The following TOPAZ1 variants were observed in gnomAD, a reference collection of about 807,000 sequenced individuals.
TOPAZ1 encodes protein TOPAZ1.
Under a neutral mutation model 172.2 loss-of-function variants are expected in TOPAZ1, and 66 were observed. The ratio of observed to expected loss-of-function variants is 0.38; its 90% CI spans 0.31 to 0.47. The LOEUF (loss-of-function observed/expected upper bound fraction) is 0.47. Among genes scored for constraint, TOPAZ1 ranks in the 20% least tolerant of loss-of-function variants. The pLI is 0.99. For synonymous variants in TOPAZ1, 681 were observed against 683.9 expected, an observed-to-expected ratio of 1.00 and a Z score of 0.07; for missense variants, 1,822 against 1,972.4, an observed-to-expected ratio of 0.92 and a Z score of 1.44.
intron 2 of TOPAZ1, among the ~76,000 whole-genome samples, chr3:44,248,284 A>G (rs898049310): frequency 4.1e-4 from 62 of 152,104 alleles, no homozygotes; most frequent in African/African-American, 1.5e-3. Flanking sequence ...TCCTGAGACA[A>G]CGTTAGCCAT....
At chr3:44,303,198 TC>T (rs900278421) in intron 12 of TOPAZ1, among the ~76,000 whole-genome samples, 3 of 152,200 alleles carry the variant, frequency 2.0e-5, no homozygotes, top group Admixed American at 2.0e-4. Context: ...TGTTTTTTTT[TC>T]TTAATCCCAA....
In TOPAZ1 at chr3:44,299,744, C is replaced by T. The variant is rs1174167527; in HGVS notation, c.3798-4271C>T. Among the ~76,000 whole-genome samples, 917 of 150,046 alleles carry T rather than the reference C, an allele frequency of 6.1e-3. 7 individuals carry two copies. Among genetic ancestry groups the T allele is most frequent in the African/African-American group, 0.021 (866 of 40,958 alleles). On this transcript the variant is annotated intron_variant, in intron 12 of 19. Transcript: ENST00000309765. Reference sequence around the variant, plus strand: ...TAGACTGGATTAAGAAAATGTGGCACATATACACCATGGAATACTATGCAG... The same window carrying T: ...TAGACTGGATTAAGAAAATGTGGCATATATACACCATGGAATACTATGCAG...
At chr3:44,295,707 C>CA (rs900432144) in intron 12 of TOPAZ1, among the ~76,000 whole-genome samples, 37 of 151,986 alleles carry the variant, frequency 2.4e-4, no homozygotes, top group Admixed American at 1.9e-3. Context: ...GTATATGCAC[C>CA]AAAAAACAGC....
chr3:44,254,015 T>A (rs17076568), intron 2 of TOPAZ1, among the ~76,000 whole-genome samples: 27,515 of 152,242 alleles, frequency 0.18, 2,736 homozygotes, highest in Middle Eastern at 0.29. Context: ...GAGTGGCTCC[T>A]ATAAATGTAG....
chr3:44,274,043 G>C (rs540942380), intron 8 of TOPAZ1, among the ~76,000 whole-genome samples: 5 of 152,020 alleles, frequency 3.3e-5, no homozygotes, highest in African/African-American at 1.2e-4. Context: ...ACTTTGGGAG[G>C]CCCAGGCGGG....
At position 44,244,176 on chromosome 3, in the gene TOPAZ1, C is replaced by G; in HGVS notation, c.1670C>G (p.Thr557Ser). 1 of 1,550,778 alleles carries G rather than the reference C, an allele frequency of 6.4e-7. No individual in the cohort carries two copies. The highest frequency in any genetic ancestry group is 8.7e-7 in the Non-Finnish European group (1 of 1,146,582). ...CAAAGTTCCTTAACAGAAACAAACA[C>G]TGAATCTTCAAGTAAAGAAAAATTA... ...LLQSSLTETNTESSSKEKLDS... is the reference protein window; with the variant it reads ...LLQSSLTETNSESSSKEKLDS... Residue 557 changes from threonine to serine, a missense_variant, in exon 2 of 20, where the codon ACT becomes AGT. Thr to Ser is a moderately conservative substitution (Grantham distance 58, BLOSUM62 1). Coordinates refer to ENST00000309765, the MANE Select transcript of TOPAZ1 (RefSeq NM_001145030.2).
At chr3:44,245,775 G>A (rs1318462514) in intron 2 of TOPAZ1, among the ~76,000 whole-genome samples, 3 of 151,996 alleles carry the variant, frequency 2.0e-5, no homozygotes, top group Non-Finnish European at 2.9e-5. Context: ...TCCTGACCTC[G>A]TGATCCACCC....
intron 15 of TOPAZ1, among the ~76,000 whole-genome samples, chr3:44,307,629 A>G (rs1479016473): frequency 6.6e-6 from 1 of 152,162 alleles, no homozygotes; most frequent in Non-Finnish European, 1.5e-5. Flanking sequence ...TGTGGTCACT[A>G]TTGAATTAAC....
In TOPAZ1 at chr3:44,242,236, C is replaced by T. The variant is rs1559520986; in HGVS notation, c.183C>T (p.Gly61=). ...TGGCCCGGGCCACCCCTGGGAGAGG[C>T]GAGGTGGAAAGTGATAAGTCGGTTG... is the stretch of plus-strand genomic sequence containing the variant. ...RMVARATPGR[G]EVESDKSVAA... The change falls in exon 1 of 20, where the codon GGC becomes GGT. Residue 61 remains glycine, a synonymous_variant. Coordinates refer to ENST00000309765, the MANE Select transcript of TOPAZ1 (RefSeq NM_001145030.2). 1.3e-6 allele frequency: 2 copies of T among 1,546,302 alleles called. No homozygotes were observed. The highest frequency in any genetic ancestry group is 8.7e-7 in the Non-Finnish European group (1 of 1,145,378).
downstream of TOPAZ1, among the ~76,000 whole-genome samples, chr3:44,335,116 T>G (rs1440812697): frequency 6.6e-6 from 1 of 152,110 alleles, no homozygotes; most frequent in Non-Finnish European, 1.5e-5. Context: ...GCAGGAGCTA[T>G]TGTACCCAGG....
At chr3:44,259,015 G>A (rs1699746453) in intron 4 of TOPAZ1, among the ~76,000 whole-genome samples, 1 of 152,120 alleles carries the variant, frequency 6.6e-6, no homozygotes, top group Non-Finnish European at 1.5e-5. Flanking sequence ...CTAGAGATTT[G>A]GGCCAAGTTA....
Position 44,269,118 on chromosome 3 carries a change from A to G in TOPAZ1, c.3161-98A>G, listed in dbSNP as rs192722043. The G allele has an allele frequency of 4.1e-6, 3 of 738,564 alleles. No individual in the cohort carries two copies. In the East Asian group the frequency reaches 8.1e-5, roughly 20 times the overall value. 45.8% of individuals were successfully genotyped at this position (738,564 alleles called of 1,614,324 possible). On this transcript the variant is annotated intron_variant, in intron 6 of 19. Transcript: ENST00000309765. ...AACTGAATATGAATATTTCAAAGTG[A>G]AACTTTAAAGCAGATAGTAGTGATC...
In TOPAZ1 at chr3:44,305,149, T is replaced by C. The variant is rs189670541; in HGVS notation, c.3867T>C (p.His1289=). 3.7e-5 allele frequency: 55 copies of C among 1,505,654 alleles called. No homozygotes were observed. Among genetic ancestry groups the C allele is most frequent in the Admixed American group, 3.6e-4 (14 of 39,430 alleles). 93.3% of individuals were successfully genotyped at this position (1,505,654 alleles called of 1,614,324 possible). Reference sequence around the variant, plus strand: ...TTTGTTTTTAATAATTTTGATAGCATTGTAAAGAAAAAGGTGACTGGACCA... The same window carrying C: ...TTTGTTTTTAATAATTTTGATAGCACTGTAAAGAAAAAGGTGACTGGACCA... ...DLDSALNKLE[H]CKEKGDWTKL... is the part of the protein sequence containing the mutation. The change falls in exon 14 of 20, where the codon CAT becomes CAC. Residue 1289 remains histidine, a splice_region_variant and synonymous_variant. Transcript: ENST00000309765.
chr3:44,303,795 T>C (rs1316384153), intron 12 of TOPAZ1, among the ~76,000 whole-genome samples: 10 of 152,168 alleles, frequency 6.6e-5, no homozygotes, highest in Admixed American at 6.5e-4. Flanking sequence ...TGATTTCATG[T>C]GGAATTTGCT....
chr3:44,274,406 AAAAAGAAAAGAAAAG>A (rs141902868), intron 8 of TOPAZ1, among the ~76,000 whole-genome samples: 3 of 149,562 alleles, frequency 2.0e-5, no homozygotes, highest in South Asian at 2.1e-4. Context: ...CTCTCAAAAA[AAAAAGAAAAGAAAAG>A]AAAAGAAAAG....
rs1575700881 is a variant in TOPAZ1 at position 44,241,901 on chromosome 3, C to T, written c.-153C>T. On this transcript the variant is annotated 5_prime_UTR_variant, in exon 1 of 20. Coordinates refer to ENST00000309765, the MANE Select transcript of TOPAZ1 (RefSeq NM_001145030.2). ...ACGAGGCCCCACTTCCGCTTACGCG[C>T]CCCACTTCCGCTTCCGGCCCCGGGC... 1.4e-6 allele frequency: 1 copy of T among 739,262 alleles called. No homozygotes were observed. The highest frequency in any genetic ancestry group is 2.1e-6 in the Non-Finnish European group (1 of 475,342). 45.8% of individuals were successfully genotyped at this position (739,262 alleles called of 1,614,324 possible).
At chr3:44,287,884 A>T in intron 11 of TOPAZ1, 45 bp downstream of exon 11, 1 of 970,000 alleles carries the variant, frequency 1.0e-6, no homozygotes, top group Non-Finnish European at 1.5e-6. Flanking sequence ...CGAGTAACCA[A>T]GAAAATAATT....
At position 44,306,236 on chromosome 3, in the gene TOPAZ1, T is replaced by C. The variant is rs932370928; in HGVS notation, c.4040-90T>C. ...ACAGTTTGCCAACACCTGGTCTTTA[T>C]GGTAGTATCAATAATTCTGTATTAG... On this transcript the variant is annotated intron_variant, in intron 14 of 19. Coordinates refer to ENST00000309765, the MANE Select transcript of TOPAZ1 (RefSeq NM_001145030.2). The C allele has an allele frequency of 5.6e-5, 44 of 790,506 alleles. 1 individual carries two copies. The African/African-American group carries it at 7.3e-4, about 13-fold the overall frequency. 49.0% of individuals were successfully genotyped at this position (790,506 alleles called of 1,614,324 possible).
rs376303422 is a variant in TOPAZ1 at position 44,269,789 on chromosome 3, G to A, written c.3246+488G>A. On this transcript the variant is annotated intron_variant, in intron 7 of 19. Coordinates refer to ENST00000309765, the MANE Select transcript of TOPAZ1 (RefSeq NM_001145030.2). Reference sequence around the variant, plus strand: ...TGGGATTACAGGCGCCCACCACCACGCCCGGCTAAGTTTTGTATTTTTAGT... The same window carrying A: ...TGGGATTACAGGCGCCCACCACCACACCCGGCTAAGTTTTGTATTTTTAGT... Among the ~76,000 whole-genome samples the A allele has an allele frequency of 1.6e-3, 242 of 150,498 alleles. 1 individual carries two copies. Among genetic ancestry groups the A allele is most frequent in the Admixed American group, 2.6e-3 (39 of 15,022 alleles).
Sources: gnomAD v4.1 joint callset for allele counts (sites outside exome capture counted in the v4.1 genomes callset) on GRCh38, gnomAD v4.1.1 for gene constraint, MANE v1.5 for transcripts, NCBI Gene and HGNC (gene_info 2026-07-23, HGNC 2026-07-21) for gene names.